The following WARS2 variants were observed in gnomAD, a reference collection of about 807,000 sequenced individuals.
WARS2 encodes tryptophan--tRNA ligase, mitochondrial.
A neutral mutation model predicts 36.5 loss-of-function variants in WARS2; 28 were observed. That is an observed-to-expected ratio of 0.77 (90% CI 0.57 to 1.05). The LOEUF (loss-of-function observed/expected upper bound fraction) is 1.05. Ranked by LOEUF, WARS2 falls within the 50% of genes least tolerant of loss-of-function variation. The probability of loss-of-function intolerance (pLI) is 0.00; values close to 1 mark genes in which losing one functional copy is unlikely to be tolerated. For synonymous variants in WARS2, 174 were observed against 178.4 expected (o/e 0.98, Z 0.20); for missense variants, 435 against 456.8 (o/e 0.95, Z 0.44).
At chr1:119,057,532 G>A (rs1649931497) in intron 2 of WARS2, among the ~76,000 whole-genome samples, 1 of 151,254 alleles carries the variant, frequency 6.6e-6, no homozygotes, top group South Asian at 2.1e-4. Context: ...GCTCATGCCT[G>A]TAATCCCAGC....
At chr1:119,040,231 G>A (rs1648234768) in intron 4 of WARS2, among the ~76,000 whole-genome samples, 1 of 152,166 alleles carries the variant, frequency 6.6e-6, no homozygotes, top group African/African-American at 2.4e-5. Flanking sequence ...TCAACTGACT[G>A]GCTACTTAGC....
chr1:119,081,116 G>A (rs762295676), intron 1 of WARS2, among the ~76,000 whole-genome samples: 5 of 152,188 alleles, frequency 3.3e-5, no homozygotes, highest in African/African-American at 4.8e-5. Context: ...AGAAGAGAGG[G>A]TGGGTATTCA....
In WARS2 at chr1:119,140,653, G is replaced by T; in HGVS notation, c.-9C>A. ...ATTGAGTGCAGCGCCATCTTGAGAA[G>T]GGCGGAGCCGTCTTGTTTGGAATGA... On this transcript the variant is annotated 5_prime_UTR_variant, in exon 1 of 6. Coordinates refer to ENST00000235521, the MANE Select transcript of WARS2 (RefSeq NM_015836.4). The T allele has an allele frequency of 1.2e-6, 2 of 1,609,828 alleles. No homozygotes were observed. Among genetic ancestry groups the T allele is most frequent in the Non-Finnish European group, 1.7e-6 (2 of 1,177,824 alleles).
At chr1:119,085,167 T>C (rs1353890188) in intron 1 of WARS2, 2 of 797,722 alleles carry the variant, frequency 2.5e-6, no homozygotes, top group East Asian at 2.4e-5. Flanking sequence ...CCCTCTGTCC[T>C]TATCCCTGGT....
intron 2 of WARS2, among the ~76,000 whole-genome samples, chr1:119,049,961 A>T (rs1370624329): frequency 1.3e-5 from 2 of 152,164 alleles, no homozygotes; most frequent in African/African-American, 4.8e-5. Context: ...AGCCTAAGTG[A>T]CGCCTTTACA....
chr1:119,110,552 T>C (rs1654554015), intron 1 of WARS2, among the ~76,000 whole-genome samples: 1 of 151,592 alleles, frequency 6.6e-6, no homozygotes, highest in Non-Finnish European at 1.5e-5. Flanking sequence ...TTTCAGGACT[T>C]TTTTTTTAAT....
chr1:119,096,288 G>A (rs1207753597), intron 1 of WARS2, among the ~76,000 whole-genome samples: 1 of 152,030 alleles, frequency 6.6e-6, no homozygotes, highest in African/African-American at 2.4e-5. Context: ...ATATCATTTG[G>A]AATATGAGCA....
At chr1:119,085,563 A>T in intron 1 of WARS2, 4 of 1,605,984 alleles carry the variant, frequency 2.5e-6, no homozygotes, top group Non-Finnish European at 2.6e-6. Flanking sequence ...CTTCTCCTGG[A>T]GCTCTTTGGT....
rs1557929044 is a variant in WARS2, at chr1:119,033,194, GC to G, written c.799del (p.Ala267LeufsTer9). The G allele has an allele frequency of 6.2e-7, 1 of 1,614,238 alleles. No individual in the cohort carries two copies. Among genetic ancestry groups the G allele is most frequent in the South Asian group, 1.1e-5 (1 of 91,088 alleles). Reference sequence around the variant, plus strand: ...TATGTTGGACACGCCAGCGCGGCCAGCCGGGTCATAGGTGACCTCCGAGGTG... The same window carrying G: ...TATGTTGGACACGCCAGCGCGGCCAGCGGGTCATAGGTGACCTCCGAGGTG... ...DFTSEVTYDPAGRAGVSNIVA... is the reference protein window; with the variant it reads ...DFTSEVTYDPXGRAGVSNIVA... On this transcript the variant is annotated frameshift_variant, in exon 6 of 6. Coordinates refer to ENST00000235521, the MANE Select transcript of WARS2 (RefSeq NM_015836.4). LOFTEE classifies it high-confidence loss of function.
intron 1 of WARS2, chr1:119,085,335 T>C (rs965207201): frequency 3.0e-6 from 4 of 1,327,332 alleles, no homozygotes; most frequent in South Asian, 2.4e-5. Flanking sequence ...CTGAGCTCTC[T>C]CCTAGTTCTT....
chr1:119,086,953 G>A (rs1652719377), intron 1 of WARS2, among the ~76,000 whole-genome samples: 1 of 151,920 alleles, frequency 6.6e-6, no homozygotes, highest in South Asian at 2.1e-4. Flanking sequence ...TCTGCGTGGG[G>A]AACTCTCCTT....
At chr1:119,081,072 T>C (rs1051068190) in intron 1 of WARS2, among the ~76,000 whole-genome samples, 1 of 152,196 alleles carries the variant, frequency 6.6e-6, no homozygotes, top group African/African-American at 2.4e-5. Flanking sequence ...ACCAAATCCC[T>C]GGGGAGCTTC....
At chr1:119,127,665 T>G (rs75385241) in intron 1 of WARS2, among the ~76,000 whole-genome samples, 7,296 of 152,232 alleles carry the variant, frequency 0.048, 260 homozygotes, top group Non-Finnish European at 0.078. Context: ...GGTTTGGAGC[T>G]CCTCGATTTC....
intron 2 of WARS2, among the ~76,000 whole-genome samples, chr1:119,059,069 G>C (rs1451006745): frequency 2.6e-5 from 4 of 151,406 alleles, no homozygotes; most frequent in African/African-American, 9.7e-5. Context: ...GTGATGATGA[G>C]CATTTTTTCA....
intron 4 of WARS2, among the ~76,000 whole-genome samples, chr1:119,037,785 T>C (rs1420554315): frequency 6.6e-6 from 1 of 152,190 alleles, no homozygotes; most frequent in Non-Finnish European, 1.5e-5. Context: ...TATCGGGTCA[T>C]CCCTGACACC....
chr1:119,114,125 T>A (rs1031017185), intron 1 of WARS2, among the ~76,000 whole-genome samples: 2 of 152,196 alleles, frequency 1.3e-5, no homozygotes, highest in Non-Finnish European at 2.9e-5. Context: ...ACAGAAGGGT[T>A]TAAGTAACTC....
At chr1:119,058,127 T>A (rs1649996848) in intron 2 of WARS2, among the ~76,000 whole-genome samples, 1 of 152,152 alleles carries the variant, frequency 6.6e-6, no homozygotes, top group African/African-American at 2.4e-5. Flanking sequence ...TAAGTTGATC[T>A]TTTTTGTGAA....
chr1:119,127,247 CT>C, intron 1 of WARS2: 8 of 769,716 alleles, frequency 1.0e-5, no homozygotes, highest in Non-Finnish European at 1.6e-5. Flanking sequence ...TCTTGGCTCC[CT>C]TTTTGCCGCC....
intron 1 of WARS2, among the ~76,000 whole-genome samples, chr1:119,137,597 C>A (rs1361587352): frequency 6.6e-6 from 1 of 152,158 alleles, no homozygotes; most frequent in Non-Finnish European, 1.5e-5. Flanking sequence ...AGTATGGATT[C>A]TGTGTTTGGC....
Sources: allele counts gnomAD v4.1 joint callset (sites outside exome capture counted in the v4.1 genomes callset), GRCh38; gene constraint gnomAD v4.1.1; transcripts MANE v1.5; gene names NCBI Gene and HGNC (gene_info 2026-07-23, HGNC 2026-07-21).